The following KAZN variants were observed in gnomAD, a reference collection of about 807,000 sequenced individuals.
KAZN encodes the protein kazrin.
KAZN carries 40 observed loss-of-function variants against 87.4 expected under a neutral mutation model. That is an observed-to-expected ratio of 0.46 (90% CI 0.36 to 0.60). The LOEUF (loss-of-function observed/expected upper bound fraction) is 0.60, where lower values mean the gene tolerates loss of function less well. Among genes scored for constraint, KAZN ranks in the 20% least tolerant of loss-of-function variants. The probability of loss-of-function intolerance (pLI) is 0.00; values close to 1 mark genes in which losing one functional copy is unlikely to be tolerated. For missense variants in KAZN, 898 were observed against 1,073.9 expected (o/e 0.84, Z 2.29); for synonymous variants, 466 against 458.3 (o/e 1.02, Z -0.22).
intron 2 of KAZN, among the ~76,000 whole-genome samples, chr1:14,985,242 C>A (rs1035163512): frequency 1.2e-4 from 18 of 150,932 alleles, no homozygotes; most frequent in Admixed American, 2.6e-4. Context: ...AATCCCAGAA[C>A]TTTGGTGGGA....
chr1:14,584,407 C>T (rs1179624613), intron 2 of KAZN, among the ~76,000 whole-genome samples: 2 of 152,296 alleles, frequency 1.3e-5, no homozygotes. Context: ...GGATGAGAAA[C>T]AAGGCCACTC....
chr1:14,313,273 G>A (rs1029390100), intron 2 of KAZN, among the ~76,000 whole-genome samples: 1 of 152,066 alleles, frequency 6.6e-6, no homozygotes, highest in African/African-American at 2.4e-5. Flanking sequence ...TCATAGATTA[G>A]TTTTGCCTGA....
chr1:14,835,321 G>C (rs1647197376), intron 1 of KAZN, among the ~76,000 whole-genome samples: 1 of 152,228 alleles, frequency 6.6e-6, no homozygotes, highest in Admixed American at 6.5e-5. Flanking sequence ...TAAAGTTTCA[G>C]GGTTACCGCA....
chr1:14,760,468 G>A (rs940366065), intron 1 of KAZN, among the ~76,000 whole-genome samples: 1 of 152,186 alleles, frequency 6.6e-6, no homozygotes, highest in African/African-American at 2.4e-5. Context: ...CTCGGCACTC[G>A]CTGGCCCAGT....
chr1:14,577,807 C>T (rs764679059), intron 2 of KAZN, among the ~76,000 whole-genome samples: 1 of 152,172 alleles, frequency 6.6e-6, no homozygotes, highest in African/African-American at 2.4e-5. Flanking sequence ...AATTTCCTGA[C>T]AACCCTAGGA....
rs1021513587 is a variant in KAZN, at chr1:14,134,979, A to G, written c.92-45456A>G. 4.8e-4 allele frequency among the ~76,000 whole-genome samples: 41 copies of G among 85,164 alleles called. 1 individual carries two copies. The highest frequency in any genetic ancestry group is 7.9e-4 in the Non-Finnish European group (37 of 46,646). 55.9% of individuals were successfully genotyped at this position (85,164 alleles called of 152,430 possible). On this transcript the variant is annotated intron_variant, in intron 1 of 16. Coordinates refer to the KAZN transcript ENST00000636203. ...CATGCATATGCACCCGCACACACAC[A>G]CACACACACACACACACACACACAT...
At chr1:14,199,333 C>T (rs12404116) in intron 2 of KAZN, among the ~76,000 whole-genome samples, 21,325 of 152,178 alleles carry the variant, frequency 0.14, 3,643 homozygotes, top group African/African-American at 0.4. Flanking sequence ...CACCTTTGAA[C>T]ATGTTTCTGT....
intron 2 of KAZN, among the ~76,000 whole-genome samples, chr1:14,241,396 C>CA (rs1419475913): frequency 1.3e-5 from 2 of 152,210 alleles, no homozygotes; most frequent in African/African-American, 4.8e-5. Context: ...CTTCACCAGA[C>CA]AAAAGAGTCT....
At chr1:14,344,362 C>T (rs1657960214) in intron 2 of KAZN, among the ~76,000 whole-genome samples, 2 of 151,530 alleles carry the variant, frequency 1.3e-5, no homozygotes, top group South Asian at 2.1e-4. Context: ...TCAATGATTA[C>T]AAGTTGATAT....
intron 2 of KAZN, among the ~76,000 whole-genome samples, chr1:14,565,960 T>C (rs561863597): frequency 5.9e-5 from 9 of 152,288 alleles, no homozygotes; most frequent in African/African-American, 2.2e-4. Context: ...TGGAATCAGC[T>C]TCTTCCAAAC....
At chr1:14,439,864 A>C (rs568331437) in intron 2 of KAZN, among the ~76,000 whole-genome samples, 2 of 151,844 alleles carry the variant, frequency 1.3e-5, no homozygotes, top group Non-Finnish European at 2.9e-5. Flanking sequence ...CAGGCTCTAC[A>C]CTCTGTTGTC....
In KAZN at chr1:14,466,345, A is replaced by AGAC. The variant is rs551817765; in HGVS notation, c.250-132636_250-132634dup. On this transcript the variant is annotated intron_variant, in intron 2 of 16. Coordinates refer to the KAZN transcript ENST00000636203. ...GTTTTTATAAGGAAAACAAAAAAGG[A>AGAC]GACGTGGATGGAGCTGGAAGCCATC... Among the ~76,000 whole-genome samples, 434 of 149,082 alleles carry AGAC rather than the reference A, an allele frequency of 2.9e-3. 1 individual carries two copies. The highest frequency in any genetic ancestry group is 0.01 in the African/African-American group (424 of 41,112).
At chr1:14,931,484 C>T (rs1015509665) in intron 1 of KAZN, among the ~76,000 whole-genome samples, 2 of 151,982 alleles carry the variant, frequency 1.3e-5, no homozygotes, top group Non-Finnish European at 2.9e-5. Flanking sequence ...AATGTCTTGG[C>T]AGCACTGGAA....
intron 4 of KAZN, among the ~76,000 whole-genome samples, chr1:15,050,196 A>AATAGG (rs1674228162): frequency 6.6e-6 from 1 of 151,966 alleles, no homozygotes; most frequent in African/African-American, 2.4e-5. Flanking sequence ...AATAGAATAG[A>AATAGG]ATAGAATAGA....
chr1:14,598,789 G>A lies in KAZN; in HGVS notation c.-209G>A, dbSNP rs1313325895. The stretch of plus-strand genomic sequence containing the variant: ...TTCTCCTCCGCCTCCTCCCCCCGCC[G>A]CCTCGCCACCGCCGCGGCTAGGGCT... On this transcript the variant is annotated 5_prime_UTR_variant, in exon 1 of 15. Coordinates refer to ENST00000376030, the MANE Select transcript of KAZN (RefSeq NM_201628.3). The surrounding 1 kb of genome is among the most constrained non-coding windows in gnomAD (Gnocchi z 4.2). 10 of 1,343,352 alleles carry A rather than the reference G, an allele frequency of 7.4e-6. No homozygotes were observed. The highest frequency in any genetic ancestry group is 9.5e-6 in the Non-Finnish European group (10 of 1,051,558). 83.2% of individuals were successfully genotyped at this position (1,343,352 alleles called of 1,614,324 possible).
In KAZN at chr1:15,094,901, C is replaced by T. The variant is rs1340158725; in HGVS notation, c.1515C>T (p.Ile505=). The T allele has an allele frequency of 1.9e-6, 3 of 1,550,382 alleles. No homozygotes were observed. Among genetic ancestry groups the T allele is most frequent in the Admixed American group, 2.0e-5 (1 of 50,976 alleles). The part of the protein sequence containing the change: ...SLHRRKLRLA[I]EDYRDAEAGR... ...ACCGGCGCAAGCTGCGCCTGGCCAT[C>T]GAGGACTACCGTGATGCCGAGGCAG... The change falls in exon 10 of 15, where the codon ATC becomes ATT. Residue 505 remains isoleucine (I), a synonymous_variant. Coordinates refer to ENST00000376030, the MANE Select transcript of KAZN (RefSeq NM_201628.3). The surrounding 1 kb of genome is among the most constrained non-coding windows in gnomAD (Gnocchi z 4.5).
chr1:13,911,951 A>T (rs2100870894), intron 1 of KAZN, among the ~76,000 whole-genome samples: 1 of 152,148 alleles, frequency 6.6e-6, no homozygotes, highest in South Asian at 2.1e-4. Context: ...CTATTTATTG[A>T]TGTGTTATTT....
chr1:13,974,269 C>T (rs760657467), intron 1 of KAZN, among the ~76,000 whole-genome samples: 3 of 152,234 alleles, frequency 2.0e-5, no homozygotes, highest in Admixed American at 6.5e-5. Flanking sequence ...ATTGTACAAA[C>T]AATCTAGGCA....
At chr1:14,054,330 C>A (rs4662097) in intron 1 of KAZN, among the ~76,000 whole-genome samples, 2 of 152,254 alleles carry the variant, frequency 1.3e-5, no homozygotes, top group African/African-American at 4.8e-5. Flanking sequence ...GTCCCTAAAA[C>A]TATCTTGGGC....
Sources: allele counts gnomAD v4.1 joint callset (sites outside exome capture counted in the v4.1 genomes callset), GRCh38; gene constraint gnomAD v4.1.1; non-coding constraint Gnocchi (gnomAD v3.1); transcripts MANE v1.5; gene names NCBI Gene and HGNC (gene_info 2026-07-23, HGNC 2026-07-21).